Variants in OTUD7A observed in about 807,000 individuals in gnomAD.
OTUD7A encodes the protein OTU domain-containing protein 7A.
Under a neutral mutation model 65.7 loss-of-function variants are expected in OTUD7A, and 12 were observed. The ratio of observed to expected loss-of-function variants is 0.18; its 90% CI spans 0.12 to 0.30. The LOEUF (loss-of-function observed/expected upper bound fraction) is 0.30. Among genes scored for constraint, OTUD7A ranks in the 10% least tolerant of loss-of-function variants. The pLI is 1.00. For missense variants in OTUD7A, 1,148 were observed against 1,304.8 expected (o/e 0.88, Z 1.85); for synonymous variants, 641 against 586.3 (o/e 1.09, Z -1.35).
intron 1 of OTUD7A, among the ~76,000 whole-genome samples, chr15:31,830,662 A>T (rs1039473478): frequency 2.6e-5 from 4 of 152,246 alleles, no homozygotes; most frequent in African/African-American, 9.6e-5. Flanking sequence ...TCCCACTTAT[A>T]CCACAATGAT....
chr15:31,550,121 A>G (rs112803158), intron 5 of OTUD7A, among the ~76,000 whole-genome samples: 1,554 of 148,364 alleles, frequency 0.01, 39 homozygotes, highest in African/African-American at 0.039. Context: ...AAAAAAAAAG[A>G]ATGTGCTGGG....
At chr15:31,517,468 G>A (rs2041875054) in intron 8 of OTUD7A, among the ~76,000 whole-genome samples, 1 of 152,178 alleles carries the variant, frequency 6.6e-6, no homozygotes, top group African/African-American at 2.4e-5. Flanking sequence ...TGGGATTGTG[G>A]GGAGAATCTG....
At chr15:31,780,648 A>C (rs1895513937) in intron 1 of OTUD7A, among the ~76,000 whole-genome samples, 1 of 152,248 alleles carries the variant, frequency 6.6e-6, no homozygotes, top group Non-Finnish European at 1.5e-5. Context: ...AAGATGAGCT[A>C]AAGTGAGTTA....
intron 1 of OTUD7A, among the ~76,000 whole-genome samples, chr15:31,860,693 ATATATATG>A (rs1897713274): frequency 7.8e-6 from 1 of 128,844 alleles, no homozygotes; most frequent in Admixed American, 8.2e-5. Context: ...ATATATATAT[ATATATATG>A]TATGTATATA....
rs562645553 is a variant in OTUD7A at position 31,741,337 on chromosome 15, T to A, written c.-99-84260A>T. Among the ~76,000 whole-genome samples the A allele has an allele frequency of 1.0e-3, 154 of 152,282 alleles. 1 individual carries two copies. Among genetic ancestry groups the A allele is most frequent in the African/African-American group, 3.3e-3 (138 of 41,562 alleles). Reference sequence around the variant, plus strand: ...ACAACTTCATAATTTTTTAAAAAAATTTTTTATTACACTTTAAGTTCTAGC... The same window carrying A: ...ACAACTTCATAATTTTTTAAAAAAAATTTTTATTACACTTTAAGTTCTAGC... On this transcript the variant is annotated intron_variant, in intron 1 of 12. Coordinates refer to ENST00000307050, the MANE Select transcript of OTUD7A (RefSeq NM_001382637.1).
At chr15:31,635,124 G>A (rs559750396) in intron 3 of OTUD7A, among the ~76,000 whole-genome samples, 1 of 152,324 alleles carries the variant, frequency 6.6e-6, no homozygotes, top group East Asian at 1.9e-4. Flanking sequence ...GTCTGTGACT[G>A]AAGCTTTTAA....
intron 5 of OTUD7A, among the ~76,000 whole-genome samples, chr15:31,545,300 G>A (rs943628431): frequency 6.6e-5 from 10 of 152,032 alleles, no homozygotes; most frequent in African/African-American, 2.4e-4. Context: ...TCACTTTTAG[G>A]TGGATTATAG....
intron 8 of OTUD7A, among the ~76,000 whole-genome samples, chr15:31,510,870 C>A (rs1200145071): frequency 2.7e-5 from 1 of 37,216 alleles, no homozygotes; most frequent in African/African-American, 1.8e-4. Flanking sequence ...ATATGTATAT[C>A]TATATGTAAC....
At chr15:31,860,718 T>TATATATATATGTA (rs1216011574) in intron 1 of OTUD7A, among the ~76,000 whole-genome samples, 1 of 141,278 alleles carries the variant, frequency 7.1e-6, no homozygotes, top group African/African-American at 2.6e-5. Context: ...TATATATATA[T>TATATATATATGTA]TTTTTGGGAC....
chr15:31,586,464 G>C (rs1291087562), intron 3 of OTUD7A, among the ~76,000 whole-genome samples: 2 of 152,176 alleles, frequency 1.3e-5, no homozygotes, highest in African/African-American at 2.4e-5. Flanking sequence ...TCAGGGGTGG[G>C]AGTCAGAAGA....
chr15:31,670,639 G>C (rs1298795605), intron 1 of OTUD7A, among the ~76,000 whole-genome samples: 1 of 152,052 alleles, frequency 6.6e-6, no homozygotes, highest in Non-Finnish European at 1.5e-5. Flanking sequence ...TTTCTTTCTT[G>C]TAAATTTGTT....
rs555589400 is a variant in OTUD7A at position 31,732,901 on chromosome 15, T to A, written c.-99-75824A>T. On this transcript the variant is annotated intron_variant, in intron 1 of 12. Coordinates refer to ENST00000307050, the MANE Select transcript of OTUD7A (RefSeq NM_001382637.1). ...ATTCCTTTGGATATCAGTCTCCATG[T>A]TTTGCTAGGGTTGCAAAAAATCTTA... Among the ~76,000 whole-genome samples, 142 of 152,332 alleles carry A rather than the reference T, an allele frequency of 9.3e-4. 1 individual carries two copies. Among genetic ancestry groups the A allele is most frequent in the African/African-American group, 3.3e-3 (137 of 41,568 alleles).
intron 1 of OTUD7A, among the ~76,000 whole-genome samples, chr15:31,721,857 C>T (rs1265901637): frequency 6.6e-6 from 1 of 152,212 alleles, no homozygotes; most frequent in Non-Finnish European, 1.5e-5. Flanking sequence ...GCACAGCAGC[C>T]TCCGCATCGG....
At chr15:31,630,228 T>C (rs1891099275) in intron 3 of OTUD7A, among the ~76,000 whole-genome samples, 1 of 148,710 alleles carries the variant, frequency 6.7e-6, no homozygotes, top group Non-Finnish European at 1.5e-5. Context: ...TGTGGGCATT[T>C]AGTGCTATAA....
chr15:31,492,439 C>A (rs1157437176), intron 10 of OTUD7A, among the ~76,000 whole-genome samples: 1 of 151,978 alleles, frequency 6.6e-6, no homozygotes, highest in Non-Finnish European at 1.5e-5. Flanking sequence ...ATTAGCTGGG[C>A]ATGGTGCTGT....
chr15:31,606,065 C>A (rs189455380), intron 3 of OTUD7A, among the ~76,000 whole-genome samples: 1 of 152,324 alleles, frequency 6.6e-6, no homozygotes, highest in African/African-American at 2.4e-5. Flanking sequence ...AGCTAGATGA[C>A]CTTCAACCAA....
At position 31,811,601 on chromosome 15, in the gene OTUD7A, G is replaced by A. The variant is rs550733417; in HGVS notation, c.-100+58906C>T. On this transcript the variant is annotated intron_variant, in intron 1 of 12. Coordinates refer to ENST00000307050, the MANE Select transcript of OTUD7A (RefSeq NM_001382637.1). ...GCATGTGTGGCTGGAAAAGGAGACA[G>A]TGAGAAGCCGCAGGAGTGAGCAGGA... 5.9e-5 allele frequency among the ~76,000 whole-genome samples: 9 copies of A among 152,202 alleles called. No individual in the cohort carries two copies. The South Asian group carries it at 1.7e-3, about 28-fold the overall frequency.
intron 3 of OTUD7A, among the ~76,000 whole-genome samples, chr15:31,611,517 G>T (rs776130294): frequency 6.6e-6 from 1 of 152,086 alleles, no homozygotes; most frequent in Non-Finnish European, 1.5e-5. Context: ...GATCATTCAA[G>T]GCTACTATGA....
chr15:31,631,682 G>C (rs1422437008), intron 3 of OTUD7A, among the ~76,000 whole-genome samples: 1 of 152,162 alleles, frequency 6.6e-6, no homozygotes, highest in Non-Finnish European at 1.5e-5. Context: ...CCTGCAGAGT[G>C]TTTTCCAACT....
Sources: allele counts gnomAD v4.1 joint callset (sites outside exome capture counted in the v4.1 genomes callset), GRCh38; gene constraint gnomAD v4.1.1; transcripts MANE v1.5; gene names NCBI Gene and HGNC (gene_info 2026-07-23, HGNC 2026-07-21).